Variants in CEP112 observed in about 807,000 individuals in gnomAD.
CEP112 encodes centrosomal protein of 112 kDa.
Under a neutral mutation model 153.0 loss-of-function variants are expected in CEP112, and 127 were observed. That is an observed-to-expected ratio of 0.83 (90% CI 0.72 to 0.96). The LOEUF (loss-of-function observed/expected upper bound fraction) is 0.96, where lower values mean the gene tolerates loss of function less well. CEP112 is among the 40% of genes least tolerant of loss of function. The pLI is 0.00. For missense variants in CEP112, 1,089 were observed against 1,101.2 expected, an observed-to-expected ratio of 0.99 and a Z score of 0.16; for synonymous variants, 358 against 374.4, an observed-to-expected ratio of 0.96 and a Z score of 0.51.
At chr17:65,676,507 A>C (rs531543485) in intron 24 of CEP112, among the ~76,000 whole-genome samples, 3 of 152,356 alleles carry the variant, frequency 2.0e-5, no homozygotes, top group African/African-American at 7.2e-5. Context: ...AATGACTGGA[A>C]GACATTAGAA....
At chr17:65,797,231 T>C (rs944971862) in intron 21 of CEP112, 3 of 152,254 alleles carry the variant, frequency 2.0e-5, no homozygotes, top group Non-Finnish European at 4.4e-5. Context: ...TGGAGCAGCA[T>C]AACATCTGGA....
chr17:65,999,812 C>T (rs1164024479), intron 17 of CEP112, among the ~76,000 whole-genome samples: 2 of 152,064 alleles, frequency 1.3e-5, no homozygotes, highest in Admixed American at 6.6e-5. Context: ...TGAGTGACAA[C>T]ATGCGGTATT....
intron 24 of CEP112, among the ~76,000 whole-genome samples, chr17:65,651,695 TTC>T (rs2045788798): frequency 6.6e-6 from 1 of 151,810 alleles, no homozygotes; most frequent in African/African-American, 2.4e-5. Flanking sequence ...CTTTCCTTCC[TTC>T]CTTCCTTTCT....
chr17:66,167,681 A>G (rs1442636149), intron 4 of CEP112, among the ~76,000 whole-genome samples: 3 of 152,238 alleles, frequency 2.0e-5, no homozygotes, highest in Non-Finnish European at 4.4e-5. Context: ...TAAAGTACTT[A>G]TGCCTATATG....
At chr17:65,939,600 T>C (rs1041661371) in intron 18 of CEP112, among the ~76,000 whole-genome samples, 5 of 152,106 alleles carry the variant, frequency 3.3e-5, no homozygotes, top group Admixed American at 2.0e-4. Flanking sequence ...TTATAGACAA[T>C]TGATTTCAAT....
chr17:65,791,182 AAAAT>A (rs1319685970), intron 21 of CEP112, among the ~76,000 whole-genome samples: 4 of 152,202 alleles, frequency 2.6e-5, no homozygotes, highest in Non-Finnish European at 5.9e-5. Context: ...TAGGGGATGA[AAAAT>A]AAAACAAGAA....
At chr17:66,026,829 C>T (rs1178109256) in intron 16 of CEP112, among the ~76,000 whole-genome samples, 1 of 152,166 alleles carries the variant, frequency 6.6e-6, no homozygotes, top group African/African-American at 2.4e-5. Flanking sequence ...TGACACATGG[C>T]AAATCCAAGT....
intron 21 of CEP112, among the ~76,000 whole-genome samples, chr17:65,814,640 A>T (rs568379915): frequency 6.6e-6 from 1 of 152,286 alleles, no homozygotes; most frequent in South Asian, 2.1e-4. Flanking sequence ...CTCTCCCCAA[A>T]GATAGCACAG....
At position 65,679,129 on chromosome 17, in the gene CEP112, CTTTTTTTTTTTTTTTTTTTTTTTTTT is replaced by C. The variant is rs57907674; in HGVS notation, c.2697+9974_2697+9999del. The stretch of plus-strand genomic sequence containing the variant: ...AATGTCCTTGACACTGTGGTTCAAG[CTTTTTTTTTTTTTTTTTTTTTTTTTT>C]TTTTTTTTTTTTTTTTCAGAAAACA... On this transcript the variant is annotated intron_variant, in intron 24 of 26. Coordinates refer to ENST00000535342, the MANE Select transcript of CEP112 (RefSeq NM_001199165.4). Among the ~76,000 whole-genome samples the C allele has an allele frequency of 8.9e-3, 281 of 31,630 alleles. 6 individuals are homozygous for C. The highest frequency in any genetic ancestry group is 0.027 in the African/African-American group (252 of 9,192). 20.8% of individuals were successfully genotyped at this position (31,630 alleles called of 152,430 possible). A position where few individuals can be genotyped will look rare whatever the true frequency, so the allele number is the denominator to read the frequency against.
chr17:66,079,822 C>T (rs985143761), intron 8 of CEP112, among the ~76,000 whole-genome samples: 5 of 151,952 alleles, frequency 3.3e-5, no homozygotes, highest in South Asian at 2.1e-4. Flanking sequence ...TATAGATCAA[C>T]GGAACAGAAC....
intron 20 of CEP112, among the ~76,000 whole-genome samples, chr17:65,855,465 T>C (rs2058091975): frequency 6.6e-6 from 1 of 152,154 alleles, no homozygotes; most frequent in South Asian, 2.1e-4. Flanking sequence ...TTCCAGGAGC[T>C]TAGGTAAATT....
intron 4 of CEP112, among the ~76,000 whole-genome samples, chr17:66,138,521 G>T (rs1276823826): frequency 2.0e-5 from 3 of 152,124 alleles, no homozygotes; most frequent in Non-Finnish European, 4.4e-5. Context: ...AAAATAATTT[G>T]TTAATGAATA....
At chr17:65,736,458 T>G (rs952935) in intron 23 of CEP112, among the ~76,000 whole-genome samples, 18,972 of 152,062 alleles carry the variant, frequency 0.12, 2,188 homozygotes, top group African/African-American at 0.3. Context: ...GGAGAAAAGT[T>G]TGAATGGTGA....
chr17:66,005,884 T>A, intron 16 of CEP112, 115 bp from the exon 17 acceptor site: 2 of 902,956 alleles, frequency 2.2e-6, no homozygotes, highest in Non-Finnish European at 1.6e-6. Flanking sequence ...AAATTAGATT[T>A]AGATATTTCA....
intron 8 of CEP112, among the ~76,000 whole-genome samples, chr17:66,075,129 G>A (rs1899582): frequency 1 from 152,209 of 152,260 alleles, 76,079 homozygotes; most frequent in Non-Finnish European, 1. Flanking sequence ...AATAGTATGT[G>A]AGCAGAGATA....
At chr17:65,913,529 G>A (rs1178868977) in intron 19 of CEP112, 1 of 985,206 alleles carries the variant, frequency 1.0e-6, no homozygotes, top group Non-Finnish European at 1.2e-6. Context: ...AATAGAATGT[G>A]TCATTTGGGG....
chr17:65,701,333 C>T (rs987673357), intron 23 of CEP112, among the ~76,000 whole-genome samples: 1 of 152,076 alleles, frequency 6.6e-6, no homozygotes, highest in South Asian at 2.1e-4. Context: ...AGACAGAGAA[C>T]ACAGTAGAAT....
rs531327091 is a variant in CEP112, at chr17:66,187,620, A to C, written c.-8-4313T>G. 5.5e-4 allele frequency among the ~76,000 whole-genome samples: 83 copies of C among 152,238 alleles called. 1 individual carries two copies. The South Asian group carries it at 0.017, about 31-fold the overall frequency. On this transcript the variant is annotated intron_variant, in intron 1 of 26. Coordinates refer to ENST00000535342, the MANE Select transcript of CEP112 (RefSeq NM_001199165.4). ...AATGGCTCTGGCTTCTCCAGTCAAT[A>C]TGGACTCTCCAGTGCTCTTTCCTTA...
chr17:65,645,096 C>G (rs1214061244), intron 24 of CEP112, among the ~76,000 whole-genome samples: 4 of 151,640 alleles, frequency 2.6e-5, no homozygotes, highest in Non-Finnish European at 4.4e-5. Flanking sequence ...AGAATAATTA[C>G]TTGTATTTTA....
Sources: allele counts gnomAD v4.1 joint callset (sites outside exome capture counted in the v4.1 genomes callset), GRCh38; gene constraint gnomAD v4.1.1; transcripts MANE v1.5; gene names NCBI Gene and HGNC (gene_info 2026-07-23, HGNC 2026-07-21).